Variants in TBC1D19 observed in about 807,000 individuals in gnomAD.
The protein encoded by TBC1D19 is TBC1 domain family, member 19.
Under a neutral mutation model 89.0 loss-of-function variants are expected in TBC1D19, and 60 were observed. That is an observed-to-expected ratio of 0.67 (90% CI 0.55 to 0.84). The LOEUF is 0.84. Among genes scored for constraint, TBC1D19 ranks in the 40% least tolerant of loss-of-function variants. The pLI is 0.00. For synonymous variants in TBC1D19, 189 were observed against 199.7 expected (o/e 0.95, Z 0.45); for missense variants, 500 against 610.8 (o/e 0.82, Z 1.91).
chr4:26,825,684 C>A, the TBC1D19 span, among the ~76,000 whole-genome samples: 1 of 152,110 alleles, frequency 6.6e-6, no homozygotes, highest in African/African-American at 2.4e-5. Context: ...GGGTTTGGAG[C>A]CAGACTTTTG....
At chr4:26,591,063 C>T (rs904984305) in intron 1 of TBC1D19, among the ~76,000 whole-genome samples, 4 of 115,016 alleles carry the variant, frequency 3.5e-5, no homozygotes, top group African/African-American at 1.0e-4. Context: ...CTGCTCATTC[C>T]TCCCTTCCCC....
the TBC1D19 span, among the ~76,000 whole-genome samples, chr4:26,822,333 C>G: frequency 6.6e-6 from 1 of 152,340 alleles, no homozygotes; most frequent in East Asian, 1.9e-4. Flanking sequence ...TCCTAGTGGA[C>G]AGATGTCACC....
At chr4:26,732,349 C>T (rs1273895318) in intron 15 of TBC1D19, among the ~76,000 whole-genome samples, 1 of 152,188 alleles carries the variant, frequency 6.6e-6, no homozygotes, top group South Asian at 2.1e-4. Context: ...AGTAAGTCCT[C>T]CTCCGCCCTA....
At chr4:26,777,139 T>C in the TBC1D19 span, among the ~76,000 whole-genome samples, 1 of 149,522 alleles carries the variant, frequency 6.7e-6, no homozygotes, top group Non-Finnish European at 1.5e-5. Flanking sequence ...TCTCTTCTTT[T>C]TTTTTTTTTT....
Position 26,673,446 on chromosome 4 carries a change from T to TAC in TBC1D19, c.704-302_704-301dup, listed in dbSNP as rs61054571. On this transcript the variant is annotated intron_variant, in intron 10 of 20. Transcript: ENST00000264866. ...TTTCATATATATATATATATATATA[T>TAC]ACACACACACACACACACACACACA... Among the ~76,000 whole-genome samples the TAC allele has an allele frequency of 4.8e-3, 433 of 90,870 alleles. 1 individual carries two copies. The highest frequency in any genetic ancestry group is 0.017 in the African/African-American group (388 of 23,510). The allele number at this position is 90,870 out of a possible 152,430, so 59.6% of individuals were successfully genotyped here.
At chr4:26,691,518 A>T (rs971780888) in intron 13 of TBC1D19, among the ~76,000 whole-genome samples, 1 of 152,196 alleles carries the variant, frequency 6.6e-6, no homozygotes, top group Non-Finnish European at 1.5e-5. Context: ...GTTAGCAGCC[A>T]TACACATTGA....
intron 11 of TBC1D19, among the ~76,000 whole-genome samples, chr4:26,679,331 A>ATCTTGGT (rs1713125002): frequency 6.6e-6 from 1 of 152,200 alleles, no homozygotes; most frequent in South Asian, 2.1e-4. Flanking sequence ...GGGCCAAGAT[A>ATCTTGGT]CAGGTCAGGC....
chr4:26,622,194 T>C (rs965722516), intron 4 of TBC1D19, among the ~76,000 whole-genome samples: 5 of 151,812 alleles, frequency 3.3e-5, no homozygotes, highest in Non-Finnish European at 7.4e-5. Flanking sequence ...TGTATACATA[T>C]GTAACAAACC....
intron 13 of TBC1D19, among the ~76,000 whole-genome samples, chr4:26,701,993 C>T (rs185389185): frequency 2.1e-3 from 321 of 152,250 alleles, no homozygotes; most frequent in Middle Eastern, 0.014. Context: ...CCCATTTGGT[C>T]ACCAGAGATA....
the TBC1D19 span, among the ~76,000 whole-genome samples, chr4:26,805,766 T>A: frequency 2.0e-5 from 3 of 151,904 alleles, no homozygotes; most frequent in Non-Finnish European, 4.4e-5. Flanking sequence ...GAGGCTTAGG[T>A]GGGTGGATCA....
Position 26,720,277 on chromosome 4 carries a change from C to T in TBC1D19, c.1084+152C>T, listed in dbSNP as rs1716892439. ...ATGTATAATTTAATGAAATCCTCCA[C>T]ATTTGTGGTAGGTTTGTGCTAAATT... On this transcript the variant is annotated intron_variant, in intron 15 of 20. Transcript: ENST00000264866. 1.9e-5 allele frequency: 12 copies of T among 616,052 alleles called. No homozygotes were observed. In the East Asian group the frequency reaches 3.2e-4, roughly 16 times the overall value. 38.2% of individuals were successfully genotyped at this position (616,052 alleles called of 1,614,324 possible).
chr4:26,819,106 A>T, the TBC1D19 span, among the ~76,000 whole-genome samples: 8 of 152,230 alleles, frequency 5.3e-5, no homozygotes, highest in Admixed American at 5.2e-4. Flanking sequence ...AGCCGCTGGA[A>T]GCAAAGACAA....
At chr4:26,765,943 CA>C in the TBC1D19 span, among the ~76,000 whole-genome samples, 1 of 152,052 alleles carries the variant, frequency 6.6e-6, no homozygotes, top group African/African-American at 2.4e-5. Flanking sequence ...AAATATAAAG[CA>C]ACAAATTCTT....
At chr4:26,783,324 A>G in the TBC1D19 span, among the ~76,000 whole-genome samples, 1 of 152,248 alleles carries the variant, frequency 6.6e-6, no homozygotes, top group South Asian at 2.1e-4. Flanking sequence ...TTTGGAATAA[A>G]GTATCTCATA....
rs139190624 is a variant in TBC1D19 at position 26,706,475 on chromosome 4, C to G, written c.955-11458C>G. Among the ~76,000 whole-genome samples the G allele has an allele frequency of 1.7e-3, 252 of 152,130 alleles. 1 individual carries two copies. The highest frequency in any genetic ancestry group is 2.9e-3 in the Non-Finnish European group (197 of 67,974). ...TAATTTTGTTGAACTTTTTGAAAAG[C>G]CAACTTTGGTTTCAGTTATTATCTC... On this transcript the variant is annotated intron_variant, in intron 13 of 20. Coordinates refer to ENST00000264866, the MANE Select transcript of TBC1D19 (RefSeq NM_018317.4).
At chr4:26,620,150 T>A (rs914518179) in intron 3 of TBC1D19, among the ~76,000 whole-genome samples, 17 of 152,314 alleles carry the variant, frequency 1.1e-4, no homozygotes, top group Non-Finnish European at 1.0e-4. Flanking sequence ...CTCCTCAGAA[T>A]TCTTGTGCTT....
the TBC1D19 span, among the ~76,000 whole-genome samples, chr4:26,795,000 G>A: frequency 6.6e-6 from 1 of 152,152 alleles, no homozygotes; most frequent in South Asian, 2.1e-4. Context: ...CTGTTCTCCA[G>A]CTACCAGCCA....
intron 13 of TBC1D19, among the ~76,000 whole-genome samples, chr4:26,706,673 A>G (rs1560486261): frequency 1.3e-5 from 2 of 152,270 alleles, no homozygotes; most frequent in South Asian, 2.1e-4. Flanking sequence ...CTCTATAGCT[A>G]TAAATTTGCC....
chr4:26,763,036 C>G, the TBC1D19 span, among the ~76,000 whole-genome samples: 2 of 152,302 alleles, frequency 1.3e-5, no homozygotes, highest in African/African-American at 4.8e-5. Flanking sequence ...TGTCTCCTCG[C>G]AGCTAAATTA....
Sources: gnomAD v4.1 joint callset for allele counts (sites outside exome capture counted in the v4.1 genomes callset) on GRCh38, gnomAD v4.1.1 for gene constraint, MANE v1.5 for transcripts, NCBI Gene and HGNC (gene_info 2026-07-23, HGNC 2026-07-21) for gene names.